MYO1D: variants seen among roughly 807,000 people sequenced by gnomAD.
The protein encoded by MYO1D is unconventional myosin-Id.
MYO1D carries 83 observed loss-of-function variants against 122.0 expected under a neutral mutation model. That is an observed-to-expected ratio of 0.68 (90% confidence interval 0.57 to 0.82). The LOEUF is 0.82. Among genes scored for constraint, MYO1D ranks in the 40% least tolerant of loss-of-function variants. MYO1D has a pLI of 0.00. For synonymous variants in MYO1D, 464 were observed against 446.9 expected (o/e 1.04, Z -0.48); for missense variants, 1,157 against 1,269.5 (o/e 0.91, Z 1.35).
intron 1 of MYO1D, among the ~76,000 whole-genome samples, chr17:32,814,622 TGTCTC>T (rs1406958495): frequency 6.6e-6 from 1 of 152,228 alleles, no homozygotes; most frequent in East Asian, 1.9e-4. Context: ...AATGAAAACA[TGTCTC>T]TTCTAAGCAC....
At chr17:32,802,314 G>C (rs893160342) in intron 1 of MYO1D, among the ~76,000 whole-genome samples, 11 of 152,168 alleles carry the variant, frequency 7.2e-5, no homozygotes, top group African/African-American at 2.7e-4. Context: ...ACTTTATTAT[G>C]TCAAGGTACT....
chr17:32,858,712 CT>C (rs1174906196), intron 1 of MYO1D, among the ~76,000 whole-genome samples: 1 of 152,140 alleles, frequency 6.6e-6, no homozygotes, highest in Non-Finnish European at 1.5e-5. Flanking sequence ...TAACAATAAT[CT>C]TTTTTTCTTT....
intron 1 of MYO1D, among the ~76,000 whole-genome samples, chr17:32,814,322 G>T (rs907352661): frequency 6.6e-6 from 1 of 152,180 alleles, no homozygotes; most frequent in Non-Finnish European, 1.5e-5. Flanking sequence ...CCAGCCTGGC[G>T]ACAGAGCAAG....
intron 21 of MYO1D, among the ~76,000 whole-genome samples, chr17:32,601,940 T>C (rs1194596279): frequency 1.3e-5 from 2 of 151,960 alleles, no homozygotes; most frequent in African/African-American, 4.8e-5. Flanking sequence ...CTGCAGGAGG[T>C]GAAAGAGAGA....
chr17:32,683,705 T>C (rs903358690), intron 16 of MYO1D, among the ~76,000 whole-genome samples: 4 of 151,134 alleles, frequency 2.6e-5, no homozygotes, highest in Admixed American at 6.6e-5. Context: ...GTCTTTTTGT[T>C]TGTCTGTGCC....
intron 1 of MYO1D, among the ~76,000 whole-genome samples, chr17:32,804,345 G>C (rs1234101217): frequency 1.3e-5 from 2 of 152,094 alleles, no homozygotes; most frequent in Non-Finnish European, 2.9e-5. Context: ...TAGATATAGA[G>C]GGCTCTAATA....
At chr17:32,638,682 G>A in intron 20 of MYO1D, 40 bp downstream of exon 20, 1 of 1,437,780 alleles carries the variant, frequency 7.0e-7, no homozygotes, top group Non-Finnish European at 9.8e-7. Flanking sequence ...TGAGCACCAG[G>A]TTAAGAATCT....
At chr17:32,789,698 A>G (rs2090331355) in intron 1 of MYO1D, among the ~76,000 whole-genome samples, 1 of 152,182 alleles carries the variant, frequency 6.6e-6, no homozygotes, top group Non-Finnish European at 1.5e-5. Context: ...AAAATGCCCC[A>G]CGAAGGGAGA....
At chr17:32,780,336 T>C (rs2090222261) in intron 2 of MYO1D, among the ~76,000 whole-genome samples, 1 of 152,188 alleles carries the variant, frequency 6.6e-6, no homozygotes, top group Non-Finnish European at 1.5e-5. Context: ...CAGCTCAATC[T>C]AACAAATTGG....
intron 20 of MYO1D, among the ~76,000 whole-genome samples, chr17:32,606,031 C>G (rs969228863): frequency 1.3e-5 from 2 of 152,098 alleles, no homozygotes; most frequent in African/African-American, 4.8e-5. Context: ...ACCCAGGAGG[C>G]AGAGGTTGCC....
chr17:32,574,075 A>C (rs936212133), intron 21 of MYO1D, among the ~76,000 whole-genome samples: 54 of 146,866 alleles, frequency 3.7e-4, no homozygotes, highest in African/African-American at 1.3e-3. Flanking sequence ...GATGGTCTCG[A>C]TCTCCTGACC....
At chr17:32,844,275 T>A (rs1255094019) in intron 1 of MYO1D, among the ~76,000 whole-genome samples, 1 of 146,898 alleles carries the variant, frequency 6.8e-6, no homozygotes, top group East Asian at 1.9e-4. Context: ...ATATCATATA[T>A]GATATATATA....
At chr17:32,665,943 C>T (rs1398344703) in intron 16 of MYO1D, among the ~76,000 whole-genome samples, 1 of 152,122 alleles carries the variant, frequency 6.6e-6, no homozygotes, top group Non-Finnish European at 1.5e-5. Flanking sequence ...TCTTACTCCT[C>T]AGTGTCTATA....
intron 1 of MYO1D, among the ~76,000 whole-genome samples, chr17:32,806,522 G>A (rs2090514566): frequency 6.6e-6 from 1 of 151,916 alleles, no homozygotes; most frequent in Non-Finnish European, 1.5e-5. Flanking sequence ...ATGCCAGCAC[G>A]CCCAGCTGAT....
intron 12 of MYO1D, among the ~76,000 whole-genome samples, chr17:32,746,672 C>G (rs1259849221): frequency 1.3e-5 from 2 of 152,024 alleles, no homozygotes; most frequent in Admixed American, 1.3e-4. Flanking sequence ...GGGAAGAGAC[C>G]ATACCTTATG....
intron 21 of MYO1D, among the ~76,000 whole-genome samples, chr17:32,520,926 T>TG (rs1462656653): frequency 6.6e-6 from 1 of 152,214 alleles, no homozygotes; most frequent in Non-Finnish European, 1.5e-5. Context: ...GTATTGGGAA[T>TG]GGCAGGGGGT....
intron 19 of MYO1D, among the ~76,000 whole-genome samples, chr17:32,645,997 A>G (rs1011007702): frequency 6.6e-6 from 1 of 151,894 alleles, no homozygotes; most frequent in South Asian, 2.1e-4. Flanking sequence ...TAGAATTTTC[A>G]GTTTTTCTGC....
At chr17:32,747,764 G>C (rs2089852731) in intron 12 of MYO1D, among the ~76,000 whole-genome samples, 1 of 152,004 alleles carries the variant, frequency 6.6e-6, no homozygotes, top group African/African-American at 2.4e-5. Flanking sequence ...TTAGGCCTGG[G>C]AGGCGGAGGT....
Position 32,790,941 on chromosome 17 carries a change from G to T in MYO1D, c.96-10157C>A, listed in dbSNP as rs755602211. Among the ~76,000 whole-genome samples the T allele has an allele frequency of 3.3e-5, 5 of 152,338 alleles. No homozygotes were observed. The South Asian group carries it at 6.2e-4, about 19-fold the overall frequency. ...AAGCGGATTCTATCACTGGAACAGG[G>T]AAAGTACAAAATGAGCTTGGACTAT... On this transcript the variant is annotated intron_variant, in intron 1 of 21. Coordinates refer to ENST00000318217, the MANE Select transcript of MYO1D (RefSeq NM_015194.3).
Sources: gnomAD v4.1 joint callset for allele counts (sites outside exome capture counted in the v4.1 genomes callset) on GRCh38, gnomAD v4.1.1 for gene constraint, MANE v1.5 for transcripts, NCBI Gene and HGNC (gene_info 2026-07-23, HGNC 2026-07-21) for gene names.